Variants in GSE1 observed in about 807,000 individuals in gnomAD.
The protein encoded by GSE1 is Gse1 coiled-coil protein, also known as genetic suppressor element 1.
GSE1 carries 32 observed loss-of-function variants against 112.6 expected under a neutral mutation model. The observed-to-expected ratio is 0.28, with a 90% CI of 0.21 to 0.38. GSE1 has a LOEUF of 0.38. Among genes scored for constraint, GSE1 ranks in the 10% least tolerant of loss-of-function variants. The pLI is 1.00. For missense variants in GSE1, 2,348 were observed against 1,699.2 expected (o/e 1.38, Z -6.71); for synonymous variants, 1,115 against 735.6 (o/e 1.52, Z -8.35).
chr16:85,268,654 G>A (rs771766794), intron 1 of GSE1, among the ~76,000 whole-genome samples: 76 of 152,298 alleles, frequency 5.0e-4, no homozygotes, highest in Admixed American at 1.5e-3. Context: ...TGATCCCGGC[G>A]TGTAGCTGCC....
At chr16:85,307,128 G>A (rs745628862) in intron 1 of GSE1, among the ~76,000 whole-genome samples, 3 of 142,870 alleles carry the variant, frequency 2.1e-5, no homozygotes, top group Non-Finnish European at 3.1e-5. Context: ...CCGGCTGCCC[G>A]CCCCCGATAG....
intron 2 of GSE1, among the ~76,000 whole-genome samples, chr16:85,545,908 G>T (rs1167996413): frequency 1.3e-5 from 2 of 151,742 alleles, no homozygotes; most frequent in Non-Finnish European, 2.9e-5. Flanking sequence ...TCAGCCTCCC[G>T]AGTAGCTGGG....
chr16:85,259,832 C>G (rs1295809436), intron 1 of GSE1, among the ~76,000 whole-genome samples: 1 of 152,192 alleles, frequency 6.6e-6, no homozygotes, highest in Non-Finnish European at 1.5e-5. Context: ...ACTGAGGGCT[C>G]AGGGAGTCCA....
intron 8 of GSE1, among the ~76,000 whole-genome samples, chr16:85,657,991 T>G (rs755959011): frequency 6.6e-6 from 1 of 152,260 alleles, no homozygotes; most frequent in African/African-American, 2.4e-5. Context: ...TGGACTTCTT[T>G]TTTTAACAAG....
exon 1 of GSE1, chr16:85,169,794 C>T: frequency 9.1e-6 from 9 of 984,258 alleles, no homozygotes; most frequent in Non-Finnish European, 1.1e-5. Flanking sequence ...GCGCCGTGTG[C>T]CGCTGCTTCC....
At chr16:85,372,747 G>A (rs1032006809) in intron 2 of GSE1, among the ~76,000 whole-genome samples, 1 of 152,128 alleles carries the variant, frequency 6.6e-6, no homozygotes, top group Non-Finnish European at 1.5e-5. Context: ...GATCCTAGCC[G>A]CCAGGATTTA....
At chr16:85,412,780 C>G (rs1186742747) in intron 2 of GSE1, among the ~76,000 whole-genome samples, 1 of 152,250 alleles carries the variant, frequency 6.6e-6, no homozygotes, top group Non-Finnish European at 1.5e-5. Context: ...ATAATCCTCG[C>G]TGACCTCTCC....
At chr16:85,613,156 G>A (rs2048106230), upstream of GSE1, 3 of 1,351,828 alleles carry the variant, frequency 2.2e-6, no homozygotes, top group African/African-American at 1.6e-5. Flanking sequence ...CGCTGGCTGA[G>A]GTCAGGGAGC....
At chr16:85,429,649 G>T (rs1318478703) in intron 2 of GSE1, among the ~76,000 whole-genome samples, 3 of 152,076 alleles carry the variant, frequency 2.0e-5, no homozygotes, top group Non-Finnish European at 2.9e-5. Context: ...TCCCTTGCTG[G>T]CTCTGCTCCA....
intron 1 of GSE1, among the ~76,000 whole-genome samples, chr16:85,271,937 C>T (rs987596664): frequency 6.6e-6 from 1 of 152,230 alleles, no homozygotes; most frequent in African/African-American, 2.4e-5. Context: ...CCTTCGGGGG[C>T]TACGTGGCCA....
intron 2 of GSE1, among the ~76,000 whole-genome samples, chr16:85,382,819 T>C (rs1390298692): frequency 6.7e-6 from 1 of 148,764 alleles, no homozygotes; most frequent in African/African-American, 2.5e-5. Flanking sequence ...CATACACACA[T>C]GCACAAACAC....
intron 1 of GSE1, among the ~76,000 whole-genome samples, chr16:85,351,080 T>C (rs2046842086): frequency 1.3e-5 from 2 of 152,292 alleles, no homozygotes; most frequent in South Asian, 2.1e-4. Context: ...AACCAAGGCC[T>C]GGAGGGGTGA....
intron 2 of GSE1, among the ~76,000 whole-genome samples, chr16:85,481,974 G>A (rs2050694508): frequency 1.3e-5 from 2 of 152,246 alleles, no homozygotes; most frequent in South Asian, 4.1e-4. Context: ...TGGGGGCAGG[G>A]TGGCCGATGC....
At chr16:85,230,877 G>A (rs948411802) in intron 1 of GSE1, among the ~76,000 whole-genome samples, 3 of 151,756 alleles carry the variant, frequency 2.0e-5, no homozygotes, top group East Asian at 1.9e-4. Flanking sequence ...ATGAGTGGAC[G>A]GACAGAGGGA....
chr16:85,642,807 G>C (rs1004619889), intron 2 of GSE1, among the ~76,000 whole-genome samples: 1 of 152,194 alleles, frequency 6.6e-6, no homozygotes, highest in Non-Finnish European at 1.5e-5. Flanking sequence ...AGCCGAGCTC[G>C]GCTGGGGAGT....
chr16:85,641,173 T>C (rs1354324576), intron 2 of GSE1, among the ~76,000 whole-genome samples: 1 of 152,234 alleles, frequency 6.6e-6, no homozygotes, highest in Non-Finnish European at 1.5e-5. Context: ...CCTGTGCCCG[T>C]TTCTTCTTCC....
In GSE1 at chr16:85,207,353, G is replaced by A. The variant is rs183778120; in HGVS notation, c.2283+35546G>A. Among the ~76,000 whole-genome samples the A allele has an allele frequency of 8.8e-3, 1,341 of 152,292 alleles. 12 individuals are homozygous for A. The highest frequency in any genetic ancestry group is 0.015 in the Non-Finnish European group (1,005 of 68,008). On this transcript the variant is annotated intron_variant, in intron 1 of 2. Coordinates refer to the GSE1 transcript ENST00000637419. ...CCGGCTCTGCTGTGCTGCACTGGGG[G>A]CCCCTGCCCGCCGCCAGCCATCCCC...
rs375097131 is a variant in GSE1, at chr16:85,295,963, C to A, written c.2284-61500C>A. On this transcript the variant is annotated intron_variant, in intron 1 of 2. Coordinates refer to the GSE1 transcript ENST00000637419. ...CCCTTATTTGTAAAAGGAAGGGCGACCGTCACTGCTGCACTGCAATCCAGC... is the reference window on the plus strand; with the variant it reads ...CCCTTATTTGTAAAAGGAAGGGCGAACGTCACTGCTGCACTGCAATCCAGC... Among the ~76,000 whole-genome samples the A allele has an allele frequency of 2.5e-3, 381 of 152,198 alleles. 2 individuals carry two copies. In the South Asian group the frequency reaches 0.033, roughly 13 times the overall value.
At chr16:85,325,301 G>A (rs529285663) in intron 1 of GSE1, among the ~76,000 whole-genome samples, 2 of 152,254 alleles carry the variant, frequency 1.3e-5, no homozygotes, top group South Asian at 2.1e-4. Flanking sequence ...CTTTAGTGGC[G>A]AGGGGGGCAG....
Sources: allele counts gnomAD v4.1 joint callset (sites outside exome capture counted in the v4.1 genomes callset), GRCh38; gene constraint gnomAD v4.1.1; transcripts MANE v1.5; gene names NCBI Gene and HGNC (gene_info 2026-07-23, HGNC 2026-07-21).